The following ABI3BP variants were observed in gnomAD, a reference collection of about 807,000 sequenced individuals.
The protein encoded by ABI3BP is ABI family member 3 binding protein, also known as target of Nesh-SH3.
In ABI3BP, 216 loss-of-function variants were observed where a neutral mutation model predicts 268.6. The observed-to-expected ratio is 0.80, with a 90% CI of 0.72 to 0.90. The LOEUF is 0.90. Ranked by LOEUF, ABI3BP falls within the 40% of genes least tolerant of loss-of-function variation. The pLI is 0.00. For missense variants in ABI3BP, 2,090 were observed against 2,182.4 expected (o/e 0.96, Z 0.84); for synonymous variants, 730 against 730.0 (o/e 1.00, Z 0.00).
chr3:100,886,338 G>A lies in ABI3BP; in HGVS notation c.462-15C>T. On this transcript the variant is annotated splice_polypyrimidine_tract_variant and intron_variant, in intron 4 of 67. Transcript: ENST00000471714. The stretch of plus-strand genomic sequence containing the variant: ...TTGTATAAAATCTGTTGAATAACCA[G>A]AATATAATGCTTTAAAATCACAGAG... The A allele has an allele frequency of 6.5e-7, 1 of 1,537,314 alleles. No homozygotes were observed. The highest frequency in any genetic ancestry group is 2.4e-5 in the East Asian group (1 of 42,482).
chr3:100,886,431 A>C, intron 4 of ABI3BP, 108 bp from the exon 5 acceptor site: 1 of 761,938 alleles, frequency 1.3e-6, no homozygotes, highest in Non-Finnish European at 1.9e-6. Flanking sequence ...ATACTATTTA[A>C]TATTGGCTTC....
chr3:100,972,682 G>A (rs1258826417), intron 1 of ABI3BP, among the ~76,000 whole-genome samples: 1 of 152,052 alleles, frequency 6.6e-6, no homozygotes. Flanking sequence ...TTAGCCCCTG[G>A]CTGGGGAAAA....
intron 14 of ABI3BP, among the ~76,000 whole-genome samples, chr3:100,852,171 G>A (rs2098849936): frequency 6.6e-6 from 1 of 152,176 alleles, no homozygotes; most frequent in Non-Finnish European, 1.5e-5. Context: ...GAGCCCTGAT[G>A]CTGGCCTCCA....
intron 44 of ABI3BP, among the ~76,000 whole-genome samples, chr3:100,814,779 G>A (rs1210333358): frequency 1.3e-5 from 2 of 152,130 alleles, no homozygotes; most frequent in African/African-American, 4.8e-5. Context: ...CAGCACCATT[G>A]AGAAAGAGAT....
intron 6 of ABI3BP, among the ~76,000 whole-genome samples, chr3:100,880,727 C>T (rs2099219853): frequency 6.6e-6 from 1 of 152,160 alleles, no homozygotes; most frequent in Admixed American, 6.6e-5. Flanking sequence ...CTGCTACCAC[C>T]ACACATGACA....
chr3:100,827,795 G>A (rs1468922737), intron 34 of ABI3BP, among the ~76,000 whole-genome samples: 3 of 151,926 alleles, frequency 2.0e-5, no homozygotes, highest in Non-Finnish European at 4.4e-5. Context: ...AGAGTGCCCC[G>A]CCTGGATTAA....
intron 46 of ABI3BP, 36 bp from the exon 47 acceptor site, chr3:100,811,835 C>T: frequency 6.8e-7 from 1 of 1,474,804 alleles, no homozygotes. Context: ...TTAGTGGTGG[C>T]CAACCCAAAG....
chr3:100,965,992 G>A (rs554630086), intron 1 of ABI3BP, among the ~76,000 whole-genome samples: 3 of 152,216 alleles, frequency 2.0e-5, no homozygotes, highest in East Asian at 3.9e-4. Context: ...GCAAAGATGG[G>A]CCCCAAACAG....
chr3:100,883,063 C>T (rs1180592926), intron 6 of ABI3BP, among the ~76,000 whole-genome samples: 2 of 151,978 alleles, frequency 1.3e-5, no homozygotes, highest in African/African-American at 4.8e-5. Context: ...GGGAGAGGCA[C>T]AATTCAATAC....
intron 63 of ABI3BP, among the ~76,000 whole-genome samples, chr3:100,758,160 CA>C (rs1415915703): frequency 1.3e-5 from 2 of 152,102 alleles, no homozygotes; most frequent in East Asian, 1.9e-4. Context: ...CAGCATGATC[CA>C]GGGGGCGTTA....
rs2098205562 is a variant in ABI3BP, at chr3:100,821,067, C to T, written c.2934G>A (p.Trp978Ter). ...LKPVTLRTET[W>*]VTTQAPKTSQ... ...ACGTGCTATTACCTTGTGTTGTCAC[C>T]CAAGTCTCAGTTCTGAGTGTAACAG... The change falls in exon 39 of 68, where the codon TGG (tryptophan) becomes TGA (stop). Residue 978 changes from tryptophan to a stop codon, truncating the protein, a stop_gained. Transcript: ENST00000471714. LOFTEE classifies it high-confidence loss of function. 1.3e-6 allele frequency: 2 copies of T among 1,535,620 alleles called. No individual in the cohort carries two copies. Among genetic ancestry groups the T allele is most frequent in the Non-Finnish European group, 1.7e-6 (2 of 1,146,682 alleles).
At chr3:100,943,435 C>T (rs1479149145) in intron 1 of ABI3BP, among the ~76,000 whole-genome samples, 1 of 151,958 alleles carries the variant, frequency 6.6e-6, no homozygotes, top group Non-Finnish European at 1.5e-5. Flanking sequence ...CAATGAAATA[C>T]ATAAATCTTA....
chr3:100,916,489 A>T (rs2153586417), intron 2 of ABI3BP, among the ~76,000 whole-genome samples: 1 of 152,306 alleles, frequency 6.6e-6, no homozygotes, highest in East Asian at 1.9e-4. Context: ...CAGGCTGAGG[A>T]GTCAGCCTGC....
At chr3:100,887,287 T>A (rs59643690) in intron 4 of ABI3BP, among the ~76,000 whole-genome samples, 6,203 of 152,084 alleles carry the variant, frequency 0.041, 453 homozygotes, top group African/African-American at 0.14. Context: ...ACTACATGTA[T>A]CAATGTGGAT....
At chr3:100,757,509 A>T (rs959196270) in intron 63 of ABI3BP, among the ~76,000 whole-genome samples, 2 of 152,180 alleles carry the variant, frequency 1.3e-5, no homozygotes, top group Non-Finnish European at 2.9e-5. Flanking sequence ...TTATATCCTA[A>T]TATGTCCAGC....
At chr3:100,910,668 C>A (rs1366324937) in intron 2 of ABI3BP, among the ~76,000 whole-genome samples, 4 of 152,022 alleles carry the variant, frequency 2.6e-5, no homozygotes, top group Admixed American at 2.6e-4. Flanking sequence ...AGCCACTGTG[C>A]CCGGCCTCAC....
chr3:100,829,513 A>T (rs965928326), intron 33 of ABI3BP, 68 bp downstream of exon 33: 1 of 1,384,496 alleles, frequency 7.2e-7, no homozygotes, highest in Non-Finnish European at 9.9e-7. Flanking sequence ...ATGCCCAGCT[A>T]CTTCATTCTC....
In ABI3BP at chr3:100,830,110, CATATATATATATATATATATATAT is replaced by C. The variant is rs559297681; in HGVS notation, c.2458+444_2459-447del. Among the ~76,000 whole-genome samples the C allele has an allele frequency of 5.5e-3, 246 of 44,764 alleles. 3 individuals are homozygous for C. Among genetic ancestry groups the C allele is most frequent in the East Asian group, 0.039 (100 of 2,560 alleles). 29.4% of individuals were successfully genotyped at this position (44,764 alleles called of 152,430 possible). A position where few individuals can be genotyped will look rare whatever the true frequency, so the allele number is the denominator to read the frequency against. ...ATACATATACATACATACATACATA[CATATATATATATATATATATATAT>C]ATATATATATATATATATATATATA... On this transcript the variant is annotated intron_variant, in intron 32 of 67. Coordinates refer to ENST00000471714, the MANE Select transcript of ABI3BP (RefSeq NM_001375547.2).
intron 1 of ABI3BP, among the ~76,000 whole-genome samples, chr3:100,973,735 G>A (rs2084785403): frequency 6.6e-6 from 1 of 152,082 alleles, no homozygotes; most frequent in African/African-American, 2.4e-5. Context: ...GCCTCAAATG[G>A]CAAAAACTAT....
Sources: gnomAD v4.1 joint callset for allele counts (sites outside exome capture counted in the v4.1 genomes callset) on GRCh38, gnomAD v4.1.1 for gene constraint, MANE v1.5 for transcripts, NCBI Gene and HGNC (gene_info 2026-07-23, HGNC 2026-07-21) for gene names.